Variants in NNT observed in about 807,000 individuals in gnomAD.
NNT encodes NAD(P) transhydrogenase, mitochondrial.
A neutral mutation model predicts 104.8 loss-of-function variants in NNT; 50 were observed. The ratio of observed to expected loss-of-function variants is 0.48; its 90% CI spans 0.38 to 0.60. NNT has a LOEUF of 0.60. NNT is among the 20% of genes least tolerant of loss of function. The pLI, the probability that NNT is intolerant of heterozygous loss-of-function variation, is 0.00. For synonymous variants in NNT, 461 were observed against 490.4 expected (o/e 0.94, Z 0.79); for missense variants, 1,131 against 1,330.7 (o/e 0.85, Z 2.33).
chr5:43,702,807 T>A, intron 21 of NNT, 71 bp downstream of exon 21: 1 of 1,093,440 alleles, frequency 9.1e-7, no homozygotes, highest in South Asian at 1.5e-5. Context: ...GAACTTTCTT[T>A]GATCATTTGA....
chr5:43,609,121 A>G lies in NNT; in HGVS notation c.-53-22A>G, dbSNP rs920962917. The G allele has an allele frequency of 1.3e-5, 15 of 1,192,466 alleles. No homozygotes were observed. The African/African-American group carries it at 2.0e-4, about 16-fold the overall frequency. 73.9% of individuals were successfully genotyped at this position (1,192,466 alleles called of 1,614,324 possible). On this transcript the variant is annotated intron_variant, in intron 1 of 21. Transcript: ENST00000344920. ...ATAGTTTTTTTCTTGGCATATATAC[A>G]TCCTATTTTCTTTTTTCTTAGTGAT...
chr5:43,611,914 A>T (rs1749516628), intron 2 of NNT, among the ~76,000 whole-genome samples: 1 of 152,144 alleles, frequency 6.6e-6, no homozygotes. Flanking sequence ...ATTGTACTAT[A>T]TAGGCTTTTT....
intron 2 of NNT, among the ~76,000 whole-genome samples, chr5:43,610,820 T>A (rs934238513): frequency 1.3e-5 from 2 of 152,230 alleles, no homozygotes; most frequent in Non-Finnish European, 2.9e-5. Context: ...GTTGAAGACA[T>A]GAAAACTGTC....
intron 9 of NNT, 85 bp downstream of exon 9, chr5:43,644,887 A>G (rs896651771): frequency 3.6e-6 from 4 of 1,121,456 alleles, no homozygotes; most frequent in Non-Finnish European, 3.8e-6. Context: ...CTATTTTGGA[A>G]TTGAGACATA....
At chr5:43,666,637 T>C (rs1740708647) in intron 17 of NNT, 2 of 545,062 alleles carry the variant, frequency 3.7e-6, no homozygotes, top group Admixed American at 2.9e-5. Context: ...AGATCTATTT[T>C]TTTTTTTCCT....
intron 15 of NNT, 128 bp downstream of exon 15, chr5:43,656,201 G>T: frequency 1.3e-6 from 1 of 778,348 alleles, no homozygotes; most frequent in Non-Finnish European, 2.1e-6. Flanking sequence ...CAGCACTTTG[G>T]GAGGCTGAGG....
chr5:43,633,910 G>T (rs1405705103), intron 7 of NNT, among the ~76,000 whole-genome samples: 1 of 152,192 alleles, frequency 6.6e-6, no homozygotes, highest in Non-Finnish European at 1.5e-5. Context: ...GTTTGAGGTG[G>T]CTGGCTAGCT....
chr5:43,605,265 C>T (rs924714862), intron 1 of NNT, among the ~76,000 whole-genome samples: 3 of 151,910 alleles, frequency 2.0e-5, no homozygotes, highest in Non-Finnish European at 2.9e-5. Flanking sequence ...GCCTGTAATC[C>T]CAGCACTTTG....
At chr5:43,644,507 A>T (rs1015890564) in intron 8 of NNT, 104 bp from the exon 9 acceptor site, 4 of 1,163,984 alleles carry the variant, frequency 3.4e-6, no homozygotes, top group Non-Finnish European at 4.8e-6. Context: ...ATTCATAAAG[A>T]TATATAATTA....
intron 10 of NNT, among the ~76,000 whole-genome samples, chr5:43,646,316 T>G (rs1014290982): frequency 6.6e-6 from 1 of 152,114 alleles, no homozygotes; most frequent in Admixed American, 6.5e-5. Context: ...GACAGAATCT[T>G]TTTTTGTTGC....
At chr5:43,615,119 G>A (rs555439073) in intron 3 of NNT, among the ~76,000 whole-genome samples, 1 of 151,790 alleles carries the variant, frequency 6.6e-6, no homozygotes, top group East Asian at 1.9e-4. Flanking sequence ...AGTCCGGCCT[G>A]GGCGACAGAG....
intron 7 of NNT, among the ~76,000 whole-genome samples, chr5:43,642,082 C>T (rs1751268243): frequency 6.6e-6 from 1 of 152,082 alleles, no homozygotes; most frequent in South Asian, 2.1e-4. Context: ...ATATCTAGGG[C>T]AGGAGAAATT....
intron 12 of NNT, among the ~76,000 whole-genome samples, chr5:43,651,534 T>A (rs1181336311): frequency 6.6e-6 from 1 of 151,960 alleles, no homozygotes; most frequent in East Asian, 1.9e-4. Context: ...GCCAAGATCG[T>A]GTCACTGCAC....
intron 12 of NNT, among the ~76,000 whole-genome samples, chr5:43,651,121 A>G (rs754679488): frequency 1.3e-5 from 2 of 152,228 alleles, no homozygotes; most frequent in African/African-American, 2.4e-5. Context: ...AGGAAAAGAT[A>G]CCAATCTTTG....
At chr5:43,666,339 C>T (rs754714026) in intron 17 of NNT, among the ~76,000 whole-genome samples, 2 of 152,152 alleles carry the variant, frequency 1.3e-5, no homozygotes, top group African/African-American at 4.8e-5. Flanking sequence ...GTCTGCAACC[C>T]CGGCACCTTG....
At chr5:43,666,001 C>A (rs1430899972) in intron 17 of NNT, among the ~76,000 whole-genome samples, 1 of 151,762 alleles carries the variant, frequency 6.6e-6, no homozygotes, top group Non-Finnish European at 1.5e-5. Context: ...GACGGGGCAG[C>A]GGGGCAGAGG....
At chr5:43,621,840 G>C (rs1305407685) in intron 5 of NNT, among the ~76,000 whole-genome samples, 1 of 152,174 alleles carries the variant, frequency 6.6e-6, no homozygotes, top group Non-Finnish European at 1.5e-5. Context: ...AAGGAAACAG[G>C]AGTTTAAGGA....
At chr5:43,661,953 T>C (rs1004137917) in intron 17 of NNT, among the ~76,000 whole-genome samples, 32 of 152,122 alleles carry the variant, frequency 2.1e-4, no homozygotes, top group Non-Finnish European at 4.4e-4. Flanking sequence ...GGTCAAATGG[T>C]ATTTCTAGTT....
intron 17 of NNT, chr5:43,667,327 T>C: frequency 1.7e-6 from 1 of 588,990 alleles, no homozygotes; most frequent in South Asian, 2.0e-5. Flanking sequence ...AACGTGCAGG[T>C]TTGTTACATA....
Sources: gnomAD v4.1 joint callset for allele counts (sites outside exome capture counted in the v4.1 genomes callset) on GRCh38, gnomAD v4.1.1 for gene constraint, MANE v1.5 for transcripts, NCBI Gene and HGNC (gene_info 2026-07-23, HGNC 2026-07-21) for gene names.